DMD: variants seen among roughly 807,000 people sequenced by gnomAD.
DMD encodes the protein dystrophin.
In DMD, 63 loss-of-function variants were observed where a neutral mutation model predicts 330.1. That is an observed-to-expected ratio of 0.19 (90% CI 0.16 to 0.24). The LOEUF (loss-of-function observed/expected upper bound fraction) is 0.24. DMD is among the 10% of genes least tolerant of loss of function. The probability of loss-of-function intolerance (pLI) is 1.00; values close to 1 mark genes in which losing one functional copy is unlikely to be tolerated. For synonymous variants in DMD, 1,223 were observed against 959.8 expected, an observed-to-expected ratio of 1.27 and a Z score of -5.07; for missense variants, 3,344 against 2,684.1, an observed-to-expected ratio of 1.25 and a Z score of -5.43.
At chrX:31,630,320 T>C (rs2079069048) in intron 54 of DMD, among the ~76,000 whole-genome samples, 1 of 112,140 alleles carries the variant, frequency 8.9e-6, no homozygotes, top group Non-Finnish European at 1.9e-5. Flanking sequence ...TCTGAAATAT[T>C]GACAACATCA....
rs1422957387 is a variant in DMD at position 31,628,956 on chromosome X, G to A, written c.8028-1094C>T. Among the ~76,000 whole-genome samples the A allele has an allele frequency of 1.1e-4, 9 of 84,098 alleles. 1 individual carries two copies. The highest frequency in any genetic ancestry group is 1.5e-4 in the Non-Finnish European group (6 of 40,559). 73.0% of individuals were successfully genotyped at this position (84,098 alleles called of 115,157 possible). A position where few individuals can be genotyped will look rare whatever the true frequency, so the allele number is the denominator to read the frequency against. ...TATATATATATAAAATGCATGTATTGTGGATACACACACATATGCCCTCAG... is the reference window on the plus strand; with the variant it reads ...TATATATATATAAAATGCATGTATTATGGATACACACACATATGCCCTCAG... On this transcript the variant is annotated intron_variant, in intron 54 of 78. Transcript: ENST00000357033.
rs185109832 is a variant in DMD, at chrX:32,565,092, T to A, written c.1992+610A>T. On this transcript the variant is annotated intron_variant, in intron 16 of 78. Transcript: ENST00000357033. ...TAGTGACTAAATCTTTAAAAATTAT[T>A]ATAATAAAACCACATACCCCAAATG... Among the ~76,000 whole-genome samples the A allele has an allele frequency of 2.7e-5, 3 of 111,613 alleles. No individual in the cohort carries two copies. The Admixed American group carries it at 2.9e-4, about 11-fold the overall frequency.
At chrX:33,181,152 C>T (rs1804848830) in intron 1 of DMD, among the ~76,000 whole-genome samples, 1 of 110,755 alleles carries the variant, frequency 9.0e-6, no homozygotes, top group Non-Finnish European at 1.9e-5. Context: ...AAAATTAATC[C>T]AATTATTGAA....
intron 1 of DMD, among the ~76,000 whole-genome samples, chrX:33,045,156 A>C (rs1224568296): frequency 1.8e-5 from 2 of 111,201 alleles, no homozygotes; most frequent in Non-Finnish European, 3.8e-5. Flanking sequence ...AACTAGGCTG[A>C]GAACAAACAT....
In DMD at chrX:32,651,441, C is replaced by T. The variant is rs1373713671; in HGVS notation, c.961-6289G>A. Among the ~76,000 whole-genome samples the T allele has an allele frequency of 3.6e-5, 4 of 112,236 alleles. No homozygotes were observed. In the Admixed American group the frequency reaches 3.8e-4, roughly 11 times the overall value. On this transcript the variant is annotated intron_variant, in intron 9 of 78. Transcript: ENST00000357033. ...TACAGGTGTGAGCCACGGTGTCCGGCCCTCACGTAACTTCTTAAAAATAAG... is the reference window on the plus strand; with the variant it reads ...TACAGGTGTGAGCCACGGTGTCCGGTCCTCACGTAACTTCTTAAAAATAAG...
intron 75 of DMD, 74 bp from the exon 76 acceptor site, chrX:31,146,488 C>G: frequency 9.4e-7 from 1 of 1,061,916 alleles, no homozygotes; most frequent in East Asian, 3.3e-5. Flanking sequence ...AAATATGATA[C>G]ACACTCAGGA....
At chrX:32,439,675 G>A (rs1191902620) in intron 28 of DMD, among the ~76,000 whole-genome samples, 3 of 110,956 alleles carry the variant, frequency 2.7e-5, no homozygotes, top group Admixed American at 1.9e-4. Flanking sequence ...TTGATACGTG[G>A]TGATCTAGCC....
intron 44 of DMD, among the ~76,000 whole-genome samples, chrX:32,180,390 G>A (rs141067224): frequency 8.9e-6 from 1 of 111,826 alleles, no homozygotes; most frequent in Non-Finnish European, 1.9e-5. Flanking sequence ...TACAGACCTG[G>A]TTTGGATACT....
chrX:32,548,795 T>C (rs1477597684), intron 16 of DMD, among the ~76,000 whole-genome samples: 1 of 111,589 alleles, frequency 9.0e-6, no homozygotes, highest in Non-Finnish European at 1.9e-5. Flanking sequence ...TATTTATATA[T>C]TAAGATCTAT....
chrX:31,791,750 C>T (rs1317911723), intron 50 of DMD, among the ~76,000 whole-genome samples: 2 of 111,743 alleles, frequency 1.8e-5, no homozygotes, highest in African/African-American at 3.3e-5. Context: ...CTAATGTCTA[C>T]GATCACAATC....
At chrX:31,561,689 A>G (rs2075209116) in intron 55 of DMD, among the ~76,000 whole-genome samples, 2 of 112,519 alleles carry the variant, frequency 1.8e-5, no homozygotes, top group Admixed American at 1.9e-4. Context: ...GAATGGCCAC[A>G]TGGCAGGTAC....
chrX:31,690,458 G>C (rs1788457362), intron 52 of DMD, among the ~76,000 whole-genome samples: 1 of 111,894 alleles, frequency 8.9e-6, no homozygotes, highest in Non-Finnish European at 1.9e-5. Flanking sequence ...TCATTAAAAA[G>C]TCAGGAAACA....
chrX:32,730,296 C>T (rs940183631), intron 7 of DMD, among the ~76,000 whole-genome samples: 21 of 112,379 alleles, frequency 1.9e-4, no homozygotes, highest in African/African-American at 6.1e-4. Flanking sequence ...TGGTAAGCTA[C>T]GACTGTGCTA....
intron 44 of DMD, among the ~76,000 whole-genome samples, chrX:32,028,247 G>A (rs1372671006): frequency 2.7e-5 from 3 of 111,686 alleles, no homozygotes; most frequent in Admixed American, 9.5e-5. Context: ...AACCCCGCTC[G>A]ATGGTAGGGG....
At position 32,304,630 on chromosome X, in the gene DMD, T is replaced by G. The variant is rs1335926233; in HGVS notation, c.6117+5452A>C. On this transcript the variant is annotated intron_variant, in intron 42 of 78. Coordinates refer to ENST00000357033, the MANE Select transcript of DMD (RefSeq NM_004006.3). ...TACTATGGAAATAATTTAAGCATGA[T>G]TTAAACTACAGTTAATGATTAATAT... 2.7e-5 allele frequency among the ~76,000 whole-genome samples: 3 copies of G among 111,450 alleles called. No homozygotes were observed. The South Asian group carries it at 1.1e-3, about 41-fold the overall frequency.
At chrX:32,330,736 G>A (rs2097675080) in intron 41 of DMD, among the ~76,000 whole-genome samples, 1 of 110,397 alleles carries the variant, frequency 9.1e-6, no homozygotes, top group Non-Finnish European at 1.9e-5. Flanking sequence ...GTTTTGTGTT[G>A]TCTGGCACTT....
intron 43 of DMD, among the ~76,000 whole-genome samples, chrX:32,279,808 T>TA (rs1336877480): frequency 1.4e-4 from 15 of 109,164 alleles, no homozygotes; most frequent in Middle Eastern, 4.7e-3. Flanking sequence ...TTTAAACAAT[T>TA]AAAAAAATAC....
At chrX:31,963,700 G>A (rs1191907024) in intron 45 of DMD, among the ~76,000 whole-genome samples, 1 of 109,739 alleles carries the variant, frequency 9.1e-6, no homozygotes, top group Non-Finnish European at 1.9e-5. Flanking sequence ...GGAAGCTCTG[G>A]GCAAGAATAA....
At chrX:32,574,329 T>A (rs1394783977) in intron 13 of DMD, among the ~76,000 whole-genome samples, 3 of 112,223 alleles carry the variant, frequency 2.7e-5, no homozygotes, top group African/African-American at 9.7e-5. Context: ...ACTTAAATTC[T>A]ATTACTATGT....
Sources: gnomAD v4.1 joint callset for allele counts (sites outside exome capture counted in the v4.1 genomes callset) on GRCh38, gnomAD v4.1.1 for gene constraint, MANE v1.5 for transcripts, NCBI Gene and HGNC (gene_info 2026-07-23, HGNC 2026-07-21) for gene names.